SGCD: variants seen among roughly 807,000 people sequenced by gnomAD.
SGCD encodes sarcoglycan delta, also known as delta-sarcoglycan.
SGCD carries 18 observed loss-of-function variants against 36.6 expected under a neutral mutation model. That is an observed-to-expected ratio of 0.49 (90% CI 0.34 to 0.73). The LOEUF (loss-of-function observed/expected upper bound fraction) is 0.73. Ranked by LOEUF, SGCD falls within the 30% of genes least tolerant of loss-of-function variation. SGCD has a pLI of 0.01. For missense variants in SGCD, 387 were observed against 346.7 expected (o/e 1.12, Z -0.92); for synonymous variants, 133 against 130.6 (o/e 1.02, Z -0.12).
intron 3 of SGCD, among the ~76,000 whole-genome samples, chr5:156,233,459 A>G (rs1446463478): frequency 6.6e-6 from 1 of 152,254 alleles, no homozygotes; most frequent in African/African-American, 2.4e-5. Flanking sequence ...GGCAAGCACT[A>G]AAAGCTCGGG....
rs188536561 is a variant in SGCD at position 156,115,614 on chromosome 5, G to A, written c.-281-2264G>A. ...GCATCTAATTACTTTTCAAATTATCGATTATATTTTTTTCTTAGGTATTGT... is the reference window on the plus strand; with the variant it reads ...GCATCTAATTACTTTTCAAATTATCAATTATATTTTTTTCTTAGGTATTGT... On this transcript the variant is annotated intron_variant, in intron 1 of 9. Transcript: ENST00000517913. 3.5e-3 allele frequency among the ~76,000 whole-genome samples: 531 copies of A among 151,912 alleles called. 5 individuals are homozygous for A. The highest frequency in any genetic ancestry group is 0.012 in the African/African-American group (482 of 41,452).
In SGCD at chr5:156,269,627, G is replaced by A. The variant is rs774855669; in HGVS notation, c.-43-59907G>A. 3.9e-5 allele frequency among the ~76,000 whole-genome samples: 6 copies of A among 152,142 alleles called. No individual in the cohort carries two copies. In the East Asian group the frequency reaches 9.7e-4, roughly 25 times the overall value. On this transcript the variant is annotated intron_variant, in intron 3 of 9. Transcript: ENST00000517913. ...CCACAACATGTGGGAATTCTGGGAG[G>A]TACAATATAAGTTGAGATTTGGGTG...
At chr5:156,440,772 T>A (rs952065978) in intron 3 of SGCD, among the ~76,000 whole-genome samples, 1 of 152,184 alleles carries the variant, frequency 6.6e-6, no homozygotes, top group African/African-American at 2.4e-5. Flanking sequence ...CAGAGAAACA[T>A]CTATTCAAAT....
At chr5:156,447,860 G>C (rs1325742280) in intron 3 of SGCD, among the ~76,000 whole-genome samples, 1 of 152,050 alleles carries the variant, frequency 6.6e-6, no homozygotes, top group Non-Finnish European at 1.5e-5. Flanking sequence ...CCATAAATCA[G>C]GTGCTGTGCT....
intron 3 of SGCD, among the ~76,000 whole-genome samples, chr5:156,374,562 G>A (rs1770554440): frequency 6.6e-6 from 1 of 151,830 alleles, no homozygotes; most frequent in African/African-American, 2.4e-5. Flanking sequence ...AAAATTGATT[G>A]ATTTTTGCTA....
the SGCD span, among the ~76,000 whole-genome samples, chr5:155,836,892 C>T: frequency 7.7e-3 from 1,164 of 152,120 alleles, 5 homozygotes; most frequent in Non-Finnish European, 0.014. Flanking sequence ...ATCTTAAGGG[C>T]AGTGGAGTAG....
At chr5:156,293,098 T>C (rs1289589489) in intron 3 of SGCD, among the ~76,000 whole-genome samples, 1 of 152,096 alleles carries the variant, frequency 6.6e-6, no homozygotes, top group African/African-American at 2.4e-5. Flanking sequence ...CTTTTTATGT[T>C]GCATAGGCTG....
At chr5:156,004,880 C>A (rs145085706) in intron 1 of SGCD, among the ~76,000 whole-genome samples, 1 of 152,100 alleles carries the variant, frequency 6.6e-6, no homozygotes, top group African/African-American at 2.4e-5. Flanking sequence ...CAGGAGTGCA[C>A]GGGGCTGGGA....
At chr5:156,391,516 C>T (rs1001095811) in intron 3 of SGCD, among the ~76,000 whole-genome samples, 13 of 152,164 alleles carry the variant, frequency 8.5e-5, no homozygotes, top group Non-Finnish European at 1.6e-4. Flanking sequence ...GTACTGAACA[C>T]ATACAGACTT....
At chr5:156,345,736 C>T (rs1333495083) in intron 3 of SGCD, among the ~76,000 whole-genome samples, 1 of 151,966 alleles carries the variant, frequency 6.6e-6, no homozygotes, top group Admixed American at 6.6e-5. Flanking sequence ...ATACCAAAAC[C>T]CTCTTGTTTG....
In SGCD at chr5:156,067,946, G is replaced by A. The variant is rs889153690; in HGVS notation, c.-281-49932G>A. 3.7e-4 allele frequency among the ~76,000 whole-genome samples: 47 copies of A among 128,552 alleles called. 6 individuals are homozygous for A. Among genetic ancestry groups the A allele is most frequent in the African/African-American group, 1.7e-3 (35 of 21,144 alleles). The allele number at this position is 128,552 out of a possible 152,430, so 84.3% of individuals were successfully genotyped here. ...CTGTAGACCGGAGCTGTTCCTATTC[G>A]GCCATCTTGGCTCCTCCCCCCCACT... is the stretch of plus-strand genomic sequence containing the variant. On this transcript the variant is annotated intron_variant, in intron 1 of 9. Coordinates refer to the SGCD transcript ENST00000517913.
intron 6 of SGCD, among the ~76,000 whole-genome samples, chr5:156,618,249 C>T (rs1019741205): frequency 6.6e-6 from 1 of 152,170 alleles, no homozygotes; most frequent in Non-Finnish European, 1.5e-5. Context: ...CTAAAACTCA[C>T]CAGGGACCAC....
At chr5:155,838,898 C>G in the SGCD span, among the ~76,000 whole-genome samples, 3 of 151,788 alleles carry the variant, frequency 2.0e-5, no homozygotes, top group African/African-American at 7.3e-5. Context: ...AGGCAGGCAT[C>G]TCAATCAATC....
intron 1 of SGCD, among the ~76,000 whole-genome samples, chr5:155,983,806 T>TA (rs1451319451): frequency 6.6e-6 from 1 of 152,244 alleles, no homozygotes; most frequent in Non-Finnish European, 1.5e-5. Flanking sequence ...GCCCATGTGT[T>TA]ACATTAGTAA....
chr5:155,949,594 C>G (rs187259448), intron 1 of SGCD, among the ~76,000 whole-genome samples: 1 of 152,182 alleles, frequency 6.6e-6, no homozygotes, highest in African/African-American at 2.4e-5. Context: ...AGATTTTACA[C>G]GTCTAAATAA....
the SGCD span, among the ~76,000 whole-genome samples, chr5:155,728,413 C>T: frequency 6.6e-6 from 1 of 152,182 alleles, no homozygotes; most frequent in African/African-American, 2.4e-5. Flanking sequence ...GCGAGCCTGG[C>T]GAGCCGGCGA....
At chr5:156,619,427 T>G (rs1762157793) in intron 6 of SGCD, among the ~76,000 whole-genome samples, 1 of 152,256 alleles carries the variant, frequency 6.6e-6, no homozygotes, top group Admixed American at 6.5e-5. Flanking sequence ...ATAGTTAGTG[T>G]GTTTTCAAGC....
intron 1 of SGCD, among the ~76,000 whole-genome samples, chr5:155,876,135 G>C (rs901345702): frequency 6.7e-6 from 1 of 150,348 alleles, no homozygotes; most frequent in Admixed American, 6.6e-5. Context: ...TGCCATGCTG[G>C]TGCGCTGCAC....
chr5:156,311,616 G>C (rs1173763351), intron 3 of SGCD, among the ~76,000 whole-genome samples: 1 of 152,178 alleles, frequency 6.6e-6, no homozygotes, highest in East Asian at 1.9e-4. Flanking sequence ...ACACAGAGGA[G>C]GGGAGGAGCT....
Sources: allele counts gnomAD v4.1 joint callset (sites outside exome capture counted in the v4.1 genomes callset), GRCh38; gene constraint gnomAD v4.1.1; transcripts MANE v1.5; gene names NCBI Gene and HGNC (gene_info 2026-07-23, HGNC 2026-07-21).